The following KLKB1 variants were observed in gnomAD, a reference collection of about 807,000 sequenced individuals.
The protein encoded by KLKB1 is plasma kallikrein.
In KLKB1, 58 loss-of-function variants were observed where a neutral mutation model predicts 73.6. That is an observed-to-expected ratio of 0.79 (90% confidence interval 0.64 to 0.98). KLKB1 has a LOEUF of 0.98. Among genes scored for constraint, KLKB1 ranks in the 50% least tolerant of loss-of-function variants. The pLI is 0.00. For missense variants in KLKB1, 737 were observed against 763.8 expected (o/e 0.96, Z 0.41); for synonymous variants, 280 against 258.1 (o/e 1.08, Z -0.81).
At chr4:186,233,439 T>C (rs1737498923) in intron 3 of KLKB1, among the ~76,000 whole-genome samples, 1 of 152,176 alleles carries the variant, frequency 6.6e-6, no homozygotes, top group African/African-American at 2.4e-5. Context: ...AAAACTCAGA[T>C]TGTATGTGAG....
At chr4:186,226,894 T>C (rs1342048061), upstream of KLKB1, among the ~76,000 whole-genome samples, 3 of 152,114 alleles carry the variant, frequency 2.0e-5, no homozygotes, top group East Asian at 5.8e-4. Context: ...AGGCTAGAGC[T>C]GGAGCAGGCC....
chr4:186,255,766 G>C (rs1738963199), intron 12 of KLKB1, among the ~76,000 whole-genome samples: 1 of 152,154 alleles, frequency 6.6e-6, no homozygotes, highest in Admixed American at 6.6e-5. Flanking sequence ...TAGGTTCTGA[G>C]TTTTAAGAAT....
At chr4:186,248,595 A>T (rs1418326660) in intron 6 of KLKB1, among the ~76,000 whole-genome samples, 16 of 114,894 alleles carry the variant, frequency 1.4e-4, no homozygotes, top group African/African-American at 2.9e-4. Flanking sequence ...TTGTTTCTGG[A>T]TTTTTTTTTT....
At chr4:186,244,047 C>A (rs1234935056) in intron 6 of KLKB1, among the ~76,000 whole-genome samples, 1 of 152,156 alleles carries the variant, frequency 6.6e-6, no homozygotes, top group Non-Finnish European at 1.5e-5. Flanking sequence ...AACAGAAAGG[C>A]TACAGGGCGT....
intron 2 of KLKB1, among the ~76,000 whole-genome samples, chr4:186,217,113 G>GT (rs1389683042): frequency 3.3e-5 from 5 of 152,188 alleles, no homozygotes; most frequent in African/African-American, 7.2e-5. Flanking sequence ...ATCTACAGAG[G>GT]TTTTTTTAGT....
chr4:186,245,607 T>C (rs1277631590), intron 6 of KLKB1, among the ~76,000 whole-genome samples: 2 of 152,152 alleles, frequency 1.3e-5, no homozygotes, highest in African/African-American at 4.8e-5. Flanking sequence ...GTAGGAATGC[T>C]TGACCACTGC....
chr4:186,245,645 GTGC>G (rs1738289686), intron 6 of KLKB1, among the ~76,000 whole-genome samples: 1 of 152,092 alleles, frequency 6.6e-6, no homozygotes, highest in East Asian at 1.9e-4. Flanking sequence ...GTTTTTGTGT[GTGC>G]TGGAGATGTG....
At position 186,238,505 on chromosome 4, in the gene KLKB1, G is replaced by T. The variant is rs145589277; in HGVS notation, c.598+140G>T. ...GTTTCTGTCAATGGCATGCAGTTAC[G>T]GGCTTCGAGATGGGGAGTTTACTCT... On this transcript the variant is annotated intron_variant, in intron 6 of 14. Transcript: ENST00000264690. 5.7e-6 allele frequency: 4 copies of T among 703,922 alleles called. No homozygotes were observed. The African/African-American group carries it at 7.0e-5, about 12-fold the overall frequency. 43.6% of individuals were successfully genotyped at this position (703,922 alleles called of 1,614,324 possible).
intron 6 of KLKB1, among the ~76,000 whole-genome samples, 198 bp downstream of exon 6, chr4:186,238,563 G>C (rs1025473510): frequency 1.3e-5 from 2 of 152,190 alleles, no homozygotes; most frequent in African/African-American, 4.8e-5. Context: ...GTACTCACAG[G>C]GTTGAGTGCT....
rs142750664 is a variant in KLKB1 at position 186,246,798 on chromosome 4, G to A, written c.599-3445G>A. The stretch of plus-strand genomic sequence containing the variant: ...GAAGGATCAAGGCAGGCATTCGCGC[G>A]GTGATCAGATACCTCTGAAACGTGG... On this transcript the variant is annotated intron_variant, in intron 6 of 14. Transcript: ENST00000264690. 4.3e-3 allele frequency among the ~76,000 whole-genome samples: 648 copies of A among 152,262 alleles called. 6 individuals are homozygous for A. The highest frequency in any genetic ancestry group is 0.015 in the African/African-American group (613 of 41,564).
At chr4:186,221,585 G>A (rs562151000), upstream of KLKB1, among the ~76,000 whole-genome samples, 78 of 152,050 alleles carry the variant, frequency 5.1e-4, no homozygotes, top group Non-Finnish European at 8.8e-4. Flanking sequence ...TAATTTTCAT[G>A]TATTTGTGAA....
At chr4:186,236,106 TC>T (rs1307762710) in intron 4 of KLKB1, among the ~76,000 whole-genome samples, 32 of 95,384 alleles carry the variant, frequency 3.4e-4, no homozygotes, top group African/African-American at 1.4e-3. Context: ...AGAGCGAGAC[TC>T]CGTCTCAAAA....
chr4:186,236,788 T>C lies in KLKB1; in HGVS notation c.336T>C (p.His112=). 6.2e-7 allele frequency: 1 copy of C among 1,614,088 alleles called. No homozygotes were observed. ...KQCGHQISAC[H]RDIYKGVDMR... is the part of the protein sequence containing the mutation. The stretch of plus-strand genomic sequence containing the variant: ...TGTATTTTTCTTGTACAGCTTGCCA[T>C]CGAGACATTTATAAAGGAGTTGATA... The change falls in exon 5 of 15, where the codon CAT becomes CAC. Residue 112 remains histidine, a synonymous_variant. Transcript: ENST00000264690.
At chr4:186,236,327 CAGG>C (rs1341191166) in intron 4 of KLKB1, among the ~76,000 whole-genome samples, 2 of 152,200 alleles carry the variant, frequency 1.3e-5, no homozygotes, top group Admixed American at 6.5e-5. Context: ...TGTCATCAGA[CAGG>C]AGAAGTCGAA....
chr4:186,257,460 A>T (rs536862827), intron 14 of KLKB1, 95 bp downstream of exon 14: 294 of 1,127,794 alleles, frequency 2.6e-4, no homozygotes, highest in Non-Finnish European at 3.4e-4. Flanking sequence ...ATAGTTTTTA[A>T]AAAAATTCAG....
intron 2 of KLKB1, among the ~76,000 whole-genome samples, chr4:186,217,785 ATAAAAT>A (rs1288004135): frequency 6.6e-6 from 1 of 152,204 alleles, no homozygotes; most frequent in Non-Finnish European, 1.5e-5. Flanking sequence ...TTTCTTAAAA[ATAAAAT>A]TAAAATAGAG....
intron 2 of KLKB1, chr4:186,211,656 T>TACACACACACACAC (rs1282528893): frequency 1.5e-4 from 9 of 61,844 alleles, no homozygotes; most frequent in South Asian, 1.0e-3. Flanking sequence ...GACTCAGGAA[T>TACACACACACACAC]ACACACATAC....
upstream of KLKB1, among the ~76,000 whole-genome samples, chr4:186,227,224 A>G (rs1174573111): frequency 1.3e-5 from 2 of 152,182 alleles, no homozygotes; most frequent in South Asian, 2.1e-4. Flanking sequence ...CTGTGCTGCA[A>G]CCAGGTGGCA....
chr4:186,213,202 A>T (rs1250202368), intron 2 of KLKB1: 3 of 152,232 alleles, frequency 2.0e-5, no homozygotes, highest in African/African-American at 7.2e-5. Flanking sequence ...CAGAGTAGGA[A>T]TTGAGAAATT....
Sources: gnomAD v4.1 joint callset for allele counts (sites outside exome capture counted in the v4.1 genomes callset) on GRCh38, gnomAD v4.1.1 for gene constraint, MANE v1.5 for transcripts, NCBI Gene and HGNC (gene_info 2026-07-23, HGNC 2026-07-21) for gene names.